RECQL: variants seen among roughly 807,000 people sequenced by gnomAD.
RECQL encodes ATP-dependent DNA helicase Q1.
In RECQL, 73 loss-of-function variants were observed where a neutral mutation model predicts 75.8. That is an observed-to-expected ratio of 0.96 (90% CI 0.80 to 1.17). RECQL has a LOEUF of 1.17. RECQL is among the 50% of genes most tolerant of loss of function. The pLI is 0.00. For missense variants in RECQL, 699 were observed against 772.1 expected (o/e 0.91, Z 1.12); for synonymous variants, 248 against 254.4 (o/e 0.97, Z 0.24).
At chr12:21,485,072 G>A (rs919016074) in intron 5 of RECQL, among the ~76,000 whole-genome samples, 19 of 151,904 alleles carry the variant, frequency 1.3e-4, no homozygotes, top group Non-Finnish European at 2.9e-5. Flanking sequence ...CCACTCAGTG[G>A]CTGCTAAAAC....
intron 2 of RECQL, 58 bp from the exon 3 acceptor site, chr12:21,491,774 C>T: frequency 6.9e-7 from 1 of 1,454,938 alleles, no homozygotes; most frequent in South Asian, 1.3e-5. Context: ...CTTTAGGTTT[C>T]CAGATTGATT....
chr12:21,484,365 G>A (rs1707463461), intron 5 of RECQL, among the ~76,000 whole-genome samples: 1 of 152,054 alleles, frequency 6.6e-6, no homozygotes. Context: ...CAAGAGTAGG[G>A]ATATATCATG....
intron 5 of RECQL, among the ~76,000 whole-genome samples, chr12:21,484,460 G>A (rs1002521362): frequency 6.6e-6 from 1 of 152,056 alleles, no homozygotes; most frequent in Non-Finnish European, 1.5e-5. Context: ...ATTATTAGAA[G>A]GCAGTTTTCT....
At chr12:21,483,213 C>G (rs949964056) in intron 6 of RECQL, among the ~76,000 whole-genome samples, 163 bp downstream of exon 6, 1 of 152,084 alleles carries the variant, frequency 6.6e-6, no homozygotes, top group Non-Finnish European at 1.5e-5. Context: ...CCAAAAAAAT[C>G]CAAAATTTAA....
At position 21,477,821 on chromosome 12, in the gene RECQL, C is replaced by G. The variant is rs779011223; in HGVS notation, c.849G>C (p.Arg283Ser). 1 of 1,611,834 alleles carries G rather than the reference C, an allele frequency of 6.2e-7. No individual in the cohort carries two copies. Among genetic ancestry groups the G allele is most frequent in the South Asian group, 1.1e-5 (1 of 90,660 alleles). The part of the protein sequence containing the change: ...KCFTFTASFN[R>S]PNLYYEVRQK... The stretch of plus-strand genomic sequence containing the variant: ...TACATACCTCATAATATAGATTTGG[C>G]CTATTAAAAGAAGCTGTAAAAGTAA... Residue 283 changes from arginine to serine, a missense_variant, in exon 7 of 15, where the codon AGG becomes AGC. By Grantham distance (110) the Arg-to-Ser change is moderately radical. Coordinates refer to ENST00000444129, the MANE Select transcript of RECQL (RefSeq NM_002907.4).
intron 6 of RECQL, among the ~76,000 whole-genome samples, chr12:21,478,677 T>C (rs1007672673): frequency 2.0e-5 from 3 of 152,200 alleles, no homozygotes; most frequent in Admixed American, 2.0e-4. Flanking sequence ...TTGTGGTGGA[T>C]GGATTTACTG....
intron 6 of RECQL, among the ~76,000 whole-genome samples, chr12:21,480,787 A>G (rs147839011): frequency 5.2e-4 from 79 of 152,260 alleles, no homozygotes; most frequent in African/African-American, 1.3e-3. Flanking sequence ...AACCAGCTTT[A>G]TCACAGACGT....
chr12:21,471,429 T>G lies in RECQL; in HGVS notation c.1666A>C (p.Lys556Gln). 1.9e-6 allele frequency: 3 copies of G among 1,610,764 alleles called. No homozygotes were observed. Among genetic ancestry groups the G allele is most frequent in the Non-Finnish European group, 1.7e-6 (2 of 1,177,850 alleles). Reference sequence around the variant, plus strand: ...AATAATGAATGAGTTTGTACATACTTAAGATACTGCTGTATTAGAAAGTGT... The same window carrying G: ...AATAATGAATGAGTTTGTACATACTGAAGATACTGCTGTATTAGAAAGTGT... The part of the protein sequence containing the change: ...IAHFLIQQYL[K>Q]EDYSFTAYAT... The change falls in exon 13 of 15, where the codon AAA becomes CAA. Residue 556 changes from lysine to glutamine, a missense_variant and splice_region_variant. By Grantham distance (53) the Lys-to-Gln change is moderately conservative. Around this residue, in one of 2 missense-constraint regions of RECQL, gnomAD observed 669 missense variants for 713.5 expected, o/e 0.94. Transcript: ENST00000444129.
intron 4 of RECQL, 64 bp from the exon 5 acceptor site, chr12:21,486,649 C>T: frequency 5.4e-6 from 2 of 372,382 alleles, no homozygotes; most frequent in South Asian, 4.6e-5. Context: ...CAGATGCAAA[C>T]CATTCACGTT....
chr12:21,489,105 TC>T (rs1322788655), intron 4 of RECQL, among the ~76,000 whole-genome samples: 1 of 152,220 alleles, frequency 6.6e-6, no homozygotes, highest in Non-Finnish European at 1.5e-5. Context: ...CAGACTTAAT[TC>T]CCTATTAAAA....
At chr12:21,485,787 A>G (rs1279280436) in intron 5 of RECQL, among the ~76,000 whole-genome samples, 1 of 152,148 alleles carries the variant, frequency 6.6e-6, no homozygotes, top group Non-Finnish European at 1.5e-5. Context: ...CCGTATGTTG[A>G]TAACTGTTGA....
At chr12:21,480,378 G>C (rs544350258) in intron 6 of RECQL, among the ~76,000 whole-genome samples, 79 of 152,312 alleles carry the variant, frequency 5.2e-4, no homozygotes, top group African/African-American at 1.9e-3. Flanking sequence ...TAGACCAGTG[G>C]AAGGGAGCTC....
chr12:21,477,759 G>T (rs371229867), intron 7 of RECQL, 44 bp downstream of exon 7: 110 of 1,501,770 alleles, frequency 7.3e-5, no homozygotes, highest in Admixed American at 4.6e-4. Flanking sequence ...TCCCCTCTGC[G>T]TAATTCTTCA....
At position 21,470,287 on chromosome 12, in the gene RECQL, A is replaced by G. The variant is rs775571169; in HGVS notation, c.1857T>C (p.Asn619=). The G allele has an allele frequency of 1.3e-6, 2 of 1,594,414 alleles. No individual in the cohort carries two copies. Among genetic ancestry groups the G allele is most frequent in the Non-Finnish European group, 1.7e-6 (2 of 1,173,630 alleles). The change falls in exon 15 of 15, where the codon AAT becomes AAC. Residue 619 remains asparagine (N), a synonymous_variant. Transcript: ENST00000444129. ...EQGDKKMEEK[N]SGNFQKKAAN... The stretch of plus-strand genomic sequence containing the variant: ...CAGCCTTCTTCTGGAAGTTGCCTGA[A>G]TTTTTTTCCTCCATCTTTTTATCAC...
rs778917415 is a variant in RECQL, at chr12:21,471,037, T to G, written c.1729A>C (p.Asn577His). The change falls in exon 14 of 15, where the codon AAT becomes CAT. Residue 577 changes from asparagine to histidine, a missense_variant. Transcript: ENST00000444129. Reference sequence around the variant, plus strand: ...GCATGTGCCTCATTGTTCAGAAGATTAGCTTTAGGTCCTATTTTCAAATAC... The same window carrying G: ...GCATGTGCCTCATTGTTCAGAAGATGAGCTTTAGGTCCTATTTTCAAATAC... ...ISYLKIGPKA[N>H]LLNNEAHAIT... is the part of the protein sequence containing the mutation. 9 of 1,601,756 alleles carry G rather than the reference T, an allele frequency of 5.6e-6. No individual in the cohort carries two copies. Among genetic ancestry groups the G allele is most frequent in the Middle Eastern group, 1.7e-4 (1 of 6,006 alleles).
intron 2 of RECQL, among the ~76,000 whole-genome samples, chr12:21,495,403 T>C (rs1943487009): frequency 6.6e-6 from 1 of 152,298 alleles, no homozygotes; most frequent in South Asian, 2.1e-4. Context: ...GAGACCATCC[T>C]GGCTAACATG....
In RECQL at chr12:21,482,655, C is replaced by A. The variant is rs138998418; in HGVS notation, c.700+721G>T. Among the ~76,000 whole-genome samples, 77 of 152,284 alleles carry A rather than the reference C, an allele frequency of 5.1e-4. No individual in the cohort carries two copies. The East Asian group carries it at 0.011, about 22-fold the overall frequency. On this transcript the variant is annotated intron_variant, in intron 6 of 14. Transcript: ENST00000444129. ...GAAGTAAGGGGCAACAGCACAGTGT[C>A]TGGACGGGAAACAGAGTGATTGCTA...
intron 2 of RECQL, 112 bp from the exon 3 acceptor site, chr12:21,491,828 A>G (rs1943421174): frequency 2.1e-6 from 2 of 935,700 alleles, no homozygotes; most frequent in Non-Finnish European, 3.1e-6. Flanking sequence ...AACTTGAAGT[A>G]GTATAGCAGA....
At chr12:21,489,593 T>A (rs1013895354) in intron 4 of RECQL, among the ~76,000 whole-genome samples, 2 of 152,230 alleles carry the variant, frequency 1.3e-5, no homozygotes, top group African/African-American at 2.4e-5. Flanking sequence ...CCTAGCACCA[T>A]GGCAGACACT....
Sources: allele counts gnomAD v4.1 joint callset (sites outside exome capture counted in the v4.1 genomes callset), GRCh38; gene constraint gnomAD v4.1.1; regional missense constraint gnomAD v4.1.1; transcripts MANE v1.5; gene names NCBI Gene and HGNC (gene_info 2026-07-23, HGNC 2026-07-21).